Variants in STIM1 observed in about 807,000 individuals in gnomAD.
The protein encoded by STIM1 is stromal interaction molecule 1.
A neutral mutation model predicts 74.7 loss-of-function variants in STIM1; 25 were observed. That is an observed-to-expected ratio of 0.33 (90% CI 0.24 to 0.47). The LOEUF (loss-of-function observed/expected upper bound fraction) is 0.47. Among genes scored for constraint, STIM1 ranks in the 20% least tolerant of loss-of-function variants. The pLI is 1.00. For missense variants in STIM1, 728 were observed against 920.8 expected, an observed-to-expected ratio of 0.79 and a Z score of 2.71; for synonymous variants, 328 against 348.8, an observed-to-expected ratio of 0.94 and a Z score of 0.66.
intron 2 of STIM1, among the ~76,000 whole-genome samples, chr11:3,997,059 A>G (rs2093669356): frequency 1.3e-5 from 2 of 152,216 alleles, no homozygotes; most frequent in East Asian, 3.9e-4. Context: ...ACAGTTTGTA[A>G]GACTGGAGAT....
intron 7 of STIM1, 54 bp from the exon 8 acceptor site, chr11:4,082,130 A>T: frequency 1.9e-6 from 3 of 1,570,224 alleles, no homozygotes; most frequent in Non-Finnish European, 2.6e-6. Context: ...TCATACAGAG[A>T]TGTTGGAGAG....
At chr11:4,059,524 TG>T in intron 5 of STIM1, 128 bp downstream of exon 5, 1 of 729,904 alleles carries the variant, frequency 1.4e-6, no homozygotes, top group Non-Finnish European at 2.4e-6. Flanking sequence ...CTATTTCCAC[TG>T]GTATTAAGGT....
intron 1 of STIM1, among the ~76,000 whole-genome samples, chr11:3,930,697 T>G (rs1565119190): frequency 6.6e-6 from 1 of 152,236 alleles, no homozygotes; most frequent in Non-Finnish European, 1.5e-5. Flanking sequence ...CCATTTTATC[T>G]CTTCCTACTT....
Position 3,940,865 on chromosome 11 carries a change from A to G in STIM1, c.140-26687A>G, listed in dbSNP as rs1271370353. ...ATTTAAAAGAGATGTTTTTATAGGA[A>G]GTGTTTTTATGCCATATGCATATAT... On this transcript the variant is annotated intron_variant, in intron 1 of 12. Transcript: ENST00000526596. Among the ~76,000 whole-genome samples the G allele has an allele frequency of 2.0e-5, 3 of 152,250 alleles. No homozygotes were observed. The East Asian group carries it at 5.8e-4, about 29-fold the overall frequency.
chr11:3,908,344 G>T (rs1390292852), intron 1 of STIM1, among the ~76,000 whole-genome samples: 1 of 152,130 alleles, frequency 6.6e-6, no homozygotes, highest in East Asian at 1.9e-4. Flanking sequence ...CAGGCACGGC[G>T]GCTCACGCCT....
intron 1 of STIM1, among the ~76,000 whole-genome samples, chr11:3,965,489 T>C (rs1212948074): frequency 6.6e-6 from 1 of 152,228 alleles, no homozygotes; most frequent in African/African-American, 2.4e-5. Flanking sequence ...GGGCATATCA[T>C]GGGCTGATCA....
chr11:3,857,215 C>T (rs1222854511), intron 1 of STIM1, among the ~76,000 whole-genome samples: 1 of 148,572 alleles, frequency 6.7e-6, no homozygotes, highest in African/African-American at 2.5e-5. Context: ...CAGCAGGAGC[C>T]CTGGTATACT....
At chr11:4,090,405 T>A (rs1452080528) in intron 12 of STIM1, among the ~76,000 whole-genome samples, 2 of 152,162 alleles carry the variant, frequency 1.3e-5, no homozygotes, top group Non-Finnish European at 2.9e-5. Flanking sequence ...GTCAGCAGAG[T>A]TCTGAAAGAG....
intron 1 of STIM1, among the ~76,000 whole-genome samples, chr11:3,897,754 A>T (rs980795693): frequency 3.3e-5 from 5 of 151,372 alleles, no homozygotes; most frequent in Non-Finnish European, 5.9e-5. Context: ...TATGAGTGAG[A>T]ATATGTGGTG....
At chr11:4,061,505 C>T (rs566902476) in intron 5 of STIM1, among the ~76,000 whole-genome samples, 2 of 152,140 alleles carry the variant, frequency 1.3e-5, no homozygotes, top group South Asian at 4.2e-4. Context: ...CTTGTGTTGG[C>T]GAGGGTATAG....
At position 3,938,228 on chromosome 11, in the gene STIM1, G is replaced by A. The variant is rs184617922; in HGVS notation, c.140-29324G>A. Reference sequence around the variant, plus strand: ...GCTGGGATTACAGGCATGAGCCACCGCGCCCGGCCTGTTAGAGAAATTCTA... The same window carrying A: ...GCTGGGATTACAGGCATGAGCCACCACGCCCGGCCTGTTAGAGAAATTCTA... On this transcript the variant is annotated intron_variant, in intron 1 of 12. Transcript: ENST00000526596. Among the ~76,000 whole-genome samples, 651 of 152,188 alleles carry A rather than the reference G, an allele frequency of 4.3e-3. 2 individuals carry two copies. Among genetic ancestry groups the A allele is most frequent in the African/African-American group, 0.015 (620 of 41,530 alleles).
chr11:4,059,511 A>T, intron 5 of STIM1, 115 bp downstream of exon 5: 1 of 786,948 alleles, frequency 1.3e-6, no homozygotes. Context: ...GATAGCACCT[A>T]TACTATTTCC....
At chr11:4,075,931 A>G (rs187735533) in intron 7 of STIM1, among the ~76,000 whole-genome samples, 328 of 152,178 alleles carry the variant, frequency 2.2e-3, no homozygotes, top group Middle Eastern at 0.017. Flanking sequence ...TCATTTCCCT[A>G]ATATTATTAA....
rs1565104871 is a variant in STIM1, at chr11:3,895,675, CTTCCTTCCTTCTTTCTTTCT to C, written c.139+39270_139+39289del. Among the ~76,000 whole-genome samples the C allele has an allele frequency of 8.8e-3, 434 of 49,060 alleles. 31 individuals carry two copies. Among genetic ancestry groups the C allele is most frequent in the Admixed American group, 0.012 (55 of 4,622 alleles). The allele number at this position is 49,060 out of a possible 152,430, so 32.2% of individuals were successfully genotyped here. On this transcript the variant is annotated intron_variant, in intron 1 of 12. Coordinates refer to ENST00000526596, the MANE Select transcript of STIM1 (RefSeq NM_001382567.1). ...CTTTCTTTCTTTCTTTCTTTCTTTCCTTCCTTCCTTCTTTCTTTCTTTCTTTCTTTCTTTCTTTCTTTCTT... is the reference window on the plus strand; with the variant it reads ...CTTTCTTTCTTTCTTTCTTTCTTTCCTTCTTTCTTTCTTTCTTTCTTTCTT...
intron 1 of STIM1, among the ~76,000 whole-genome samples, chr11:3,917,435 GTTT>G (rs558911615): frequency 4.5e-5 from 6 of 133,260 alleles, no homozygotes; most frequent in African/African-American, 2.8e-5. Context: ...CAGGGTTTCT[GTTT>G]TTTTTTTTTT....
At chr11:3,881,869 G>T (rs148072459) in intron 1 of STIM1, among the ~76,000 whole-genome samples, 24 of 150,338 alleles carry the variant, frequency 1.6e-4, no homozygotes, top group African/African-American at 5.4e-4. Context: ...GACGGGGTTC[G>T]CCATGTTGGC....
chr11:4,004,790 T>A (rs1344523173), intron 2 of STIM1, among the ~76,000 whole-genome samples: 4 of 151,772 alleles, frequency 2.6e-5, no homozygotes, highest in African/African-American at 9.7e-5. Context: ...ACCATCAGAG[T>A]GAACAGGCAA....
At chr11:3,951,926 G>C (rs1373379745) in intron 1 of STIM1, among the ~76,000 whole-genome samples, 21 of 152,072 alleles carry the variant, frequency 1.4e-4, no homozygotes, top group Admixed American at 1.4e-3. Context: ...TTCTTCTGGG[G>C]CCGTCTTTCT....
intron 2 of STIM1, among the ~76,000 whole-genome samples, chr11:4,016,331 G>A (rs899912738): frequency 2.2e-4 from 33 of 152,220 alleles, no homozygotes; most frequent in African/African-American, 7.0e-4. Context: ...TGGAGTTGGC[G>A]GGAGGTCCAC....
Sources: gnomAD v4.1 joint callset for allele counts (sites outside exome capture counted in the v4.1 genomes callset) on GRCh38, gnomAD v4.1.1 for gene constraint, MANE v1.5 for transcripts, NCBI Gene and HGNC (gene_info 2026-07-23, HGNC 2026-07-21) for gene names.